Variants in SMCO2 observed in about 807,000 individuals in gnomAD.
The protein encoded by SMCO2 is single-pass membrane and coiled-coil domain-containing protein 2.
Under a neutral mutation model 29.5 loss-of-function variants are expected in SMCO2, and 25 were observed. The ratio of observed to expected loss-of-function variants is 0.85; its 90% CI spans 0.62 to 1.18. The LOEUF is 1.18. Among genes scored for constraint, SMCO2 ranks in the 50% most tolerant of loss-of-function variants. The pLI is 0.00. For missense variants in SMCO2, 348 were observed against 344.5 expected, an observed-to-expected ratio of 1.01 and a Z score of -0.08; for synonymous variants, 117 against 123.3, an observed-to-expected ratio of 0.95 and a Z score of 0.34.
chr12:27,486,327 C>G (rs928818037), intron 4 of SMCO2, among the ~76,000 whole-genome samples: 1 of 152,184 alleles, frequency 6.6e-6, no homozygotes, highest in Non-Finnish European at 1.5e-5. Flanking sequence ...TCTCAACTCA[C>G]GGAGACCACC....
At chr12:27,472,482 T>C (rs989645154) in intron 2 of SMCO2, among the ~76,000 whole-genome samples, 1 of 152,174 alleles carries the variant, frequency 6.6e-6, no homozygotes, top group Non-Finnish European at 1.5e-5. Flanking sequence ...TTGTTGATTG[T>C]GCACACTCAT....
At chr12:27,442,328 AAG>A in the SMCO2 span, among the ~76,000 whole-genome samples, 4 of 152,152 alleles carry the variant, frequency 2.6e-5, no homozygotes, top group African/African-American at 9.6e-5. Flanking sequence ...AAGAGAAAGA[AAG>A]AGACTCAAAT....
chr12:27,433,506 T>TACACACAC, the SMCO2 span, among the ~76,000 whole-genome samples: 291 of 147,972 alleles, frequency 2.0e-3, no homozygotes, highest in African/African-American at 4.9e-3. Flanking sequence ...CAGATGTGTA[T>TACACACAC]ACACACACAC....
At chr12:27,487,762 T>C (rs1208885457) in intron 4 of SMCO2, among the ~76,000 whole-genome samples, 1 of 151,680 alleles carries the variant, frequency 6.6e-6, no homozygotes, top group Admixed American at 6.6e-5. Flanking sequence ...TCTTTTTTTT[T>C]TTTTTTTGCC....
the SMCO2 span, among the ~76,000 whole-genome samples, chr12:27,425,638 C>G: frequency 6.6e-6 from 1 of 152,146 alleles, no homozygotes; most frequent in Non-Finnish European, 1.5e-5. Context: ...AAGTTCCAAG[C>G]GTATATTGTT....
At chr12:27,492,259 C>T (rs1942926651) in intron 5 of SMCO2, among the ~76,000 whole-genome samples, 1 of 151,578 alleles carries the variant, frequency 6.6e-6, no homozygotes, top group East Asian at 1.9e-4. Flanking sequence ...ACTTTTTTTT[C>T]ACTCCTATAT....
chr12:27,472,822 G>A, exon 3 of SMCO2: 1 of 1,550,796 alleles, frequency 6.4e-7, no homozygotes. Context: ...AGACAGATCG[G>A]ATGATGAGGA....
chr12:27,431,166 C>T, the SMCO2 span, among the ~76,000 whole-genome samples: 1 of 151,996 alleles, frequency 6.6e-6, no homozygotes, highest in African/African-American at 2.4e-5. Flanking sequence ...CAGGTGTGCA[C>T]CATCATGCCT....
intron 5 of SMCO2, among the ~76,000 whole-genome samples, chr12:27,489,643 A>G (rs993289080): frequency 1.3e-5 from 2 of 152,188 alleles, no homozygotes; most frequent in Admixed American, 6.6e-5. Context: ...ATTAAAAGTA[A>G]CTTACAGATC....
intron 5 of SMCO2, 82 bp downstream of exon 6, chr12:27,488,629 C>A: frequency 2.9e-6 from 3 of 1,023,752 alleles, no homozygotes; most frequent in South Asian, 2.4e-5. Context: ...TGTTAATAGG[C>A]AATAACAAGA....
chr12:27,437,618 ATAT>A, the SMCO2 span, among the ~76,000 whole-genome samples: 6 of 152,022 alleles, frequency 3.9e-5, no homozygotes, highest in African/African-American at 1.5e-4. Context: ...ACATTGTTAA[ATAT>A]TATAAGTACA....
At chr12:27,435,989 T>C in the SMCO2 span, among the ~76,000 whole-genome samples, 1 of 152,234 alleles carries the variant, frequency 6.6e-6, no homozygotes, top group Admixed American at 6.5e-5. Context: ...CTGAGACATC[T>C]AAAATCAAGA....
the SMCO2 span, among the ~76,000 whole-genome samples, chr12:27,438,808 A>G: frequency 2.0e-5 from 3 of 149,840 alleles, no homozygotes; most frequent in Admixed American, 6.6e-5. Flanking sequence ...AAACAAATAT[A>G]TAGGACTGAG....
At chr12:27,448,076 T>C in the SMCO2 span, among the ~76,000 whole-genome samples, 1 of 152,160 alleles carries the variant, frequency 6.6e-6, no homozygotes, top group African/African-American at 2.4e-5. Flanking sequence ...TGCTCAAAAA[T>C]AGTTATCAAT....
intron 4 of SMCO2, chr12:27,475,676 G>A (rs1390643985): frequency 6.5e-7 from 1 of 1,548,654 alleles, no homozygotes; most frequent in African/African-American, 1.4e-5. Flanking sequence ...AGACGGAACG[G>A]AGAAAATTGA....
the SMCO2 span, among the ~76,000 whole-genome samples, chr12:27,438,647 T>C: frequency 2.0e-5 from 3 of 152,160 alleles, no homozygotes; most frequent in Non-Finnish European, 2.9e-5. Context: ...CAACAAACAT[T>C]CATCTATCTG....
At chr12:27,492,842 A>G (rs1942939978) in intron 5 of SMCO2, among the ~76,000 whole-genome samples, 1 of 152,222 alleles carries the variant, frequency 6.6e-6, no homozygotes, top group Non-Finnish European at 1.5e-5. Flanking sequence ...GTATATACCC[A>G]GAGGAATATA....
chr12:27,489,241 G>A (rs765696091), intron 5 of SMCO2, among the ~76,000 whole-genome samples: 15 of 152,230 alleles, frequency 9.9e-5, no homozygotes, highest in Middle Eastern at 3.4e-3. Context: ...TAGAGATGGG[G>A]TTTCATCATG....
At chr12:27,434,306 C>T in the SMCO2 span, among the ~76,000 whole-genome samples, 1 of 152,174 alleles carries the variant, frequency 6.6e-6, no homozygotes, top group African/African-American at 2.4e-5. Flanking sequence ...GTAATAGGCC[C>T]TCTACGTGAT....
Sources: allele counts gnomAD v4.1 joint callset (sites outside exome capture counted in the v4.1 genomes callset), GRCh38; gene constraint gnomAD v4.1.1; transcripts MANE v1.5; gene names NCBI Gene and HGNC (gene_info 2026-07-23, HGNC 2026-07-21).